SUMF1: variants seen among roughly 807,000 people sequenced by gnomAD.
SUMF1 encodes the protein sulfatase modifying factor 1.
A neutral mutation model predicts 47.6 loss-of-function variants in SUMF1; 48 were observed. That is an observed-to-expected ratio of 1.01 (90% CI 0.80 to 1.28). SUMF1 has a LOEUF of 1.28. SUMF1 is among the 50% of genes most tolerant of loss of function. The pLI is 0.00. For missense variants in SUMF1, 571 were observed against 485.4 expected, an observed-to-expected ratio of 1.18 and a Z score of -1.66; for synonymous variants, 230 against 192.1, an observed-to-expected ratio of 1.20 and a Z score of -1.63.
chr3:4,160,419 T>C (rs889053879), intron 8 of SUMF1, among the ~76,000 whole-genome samples: 1 of 152,080 alleles, frequency 6.6e-6, no homozygotes, highest in Admixed American at 6.5e-5. Flanking sequence ...TTTGTATTTT[T>C]AGTAGAGATG....
intron 9 of SUMF1, among the ~76,000 whole-genome samples, chr3:4,047,304 G>A (rs1398128438): frequency 3.3e-5 from 5 of 152,114 alleles, no homozygotes; most frequent in Non-Finnish European, 4.4e-5. Flanking sequence ...CATAAGAGCA[G>A]GGACCTTACC....
At chr3:4,212,660 T>C (rs923827684) in intron 8 of SUMF1, among the ~76,000 whole-genome samples, 28 of 151,912 alleles carry the variant, frequency 1.8e-4, no homozygotes, top group African/African-American at 6.3e-4. Context: ...GCTAAGAACA[T>C]TGAAAAAAGG....
chr3:4,423,518 G>A lies in SUMF1; in HGVS notation c.520-3372C>T, dbSNP rs7617643. Among the ~76,000 whole-genome samples, 381 of 152,258 alleles carry A rather than the reference G, an allele frequency of 2.5e-3. 1 individual carries two copies. The highest frequency in any genetic ancestry group is 6.8e-3 in the Middle Eastern group (2 of 294). On this transcript the variant is annotated intron_variant, in intron 3 of 8. Transcript: ENST00000272902. ...CTCTCAATTCAATCTGGTTACAAATGTTTATTGAGCACCGACTGTATGGCT... is the reference window on the plus strand; with the variant it reads ...CTCTCAATTCAATCTGGTTACAAATATTTATTGAGCACCGACTGTATGGCT...
At chr3:4,313,634 T>C in intron 8 of SUMF1, 3 of 1,614,130 alleles carry the variant, frequency 1.9e-6, no homozygotes, top group Non-Finnish European at 1.7e-6. Context: ...ACTGCTTTCC[T>C]GCCTTTTGAC....
chr3:4,256,446 C>T (rs1294445385), intron 8 of SUMF1, among the ~76,000 whole-genome samples: 1 of 143,930 alleles, frequency 6.9e-6, no homozygotes, highest in African/African-American at 2.6e-5. Context: ...CACTACCGAT[C>T]CCACAGAAAT....
At chr3:4,391,610 G>A (rs1026373206) in intron 7 of SUMF1, among the ~76,000 whole-genome samples, 1 of 152,018 alleles carries the variant, frequency 6.6e-6, no homozygotes, top group Non-Finnish European at 1.5e-5. Context: ...AGCTTCCTGA[G>A]TAGCTGGGAT....
Position 4,128,306 on chromosome 3 carries a change from G to A in SUMF1, c.1015-59561C>T, listed in dbSNP as rs79725404. ...TGAGGGCATTGATTGGAAAAATATTGGGCCCTGAAACTTGGAATGGGGATG... is the reference window on the plus strand; with the variant it reads ...TGAGGGCATTGATTGGAAAAATATTAGGCCCTGAAACTTGGAATGGGGATG... On this transcript the variant is annotated intron_variant and NMD_transcript_variant, in intron 8 of 12. Coordinates refer to the SUMF1 transcript ENST00000448413. 7.8e-3 allele frequency among the ~76,000 whole-genome samples: 1,193 copies of A among 152,216 alleles called. 23 individuals carry two copies. The highest frequency in any genetic ancestry group is 0.027 in the African/African-American group (1,137 of 41,520).
chr3:4,358,274 C>A (rs912660229), downstream of SUMF1, among the ~76,000 whole-genome samples: 2 of 152,150 alleles, frequency 1.3e-5, no homozygotes, highest in African/African-American at 4.8e-5. Flanking sequence ...CTAAAGCAGA[C>A]TTGAAAACAA....
intron 8 of SUMF1, among the ~76,000 whole-genome samples, chr3:4,095,263 A>G (rs1183665856): frequency 1.3e-5 from 2 of 152,120 alleles, no homozygotes; most frequent in African/African-American, 4.8e-5. Flanking sequence ...TAAAACTCTG[A>G]CCATAGGGCA....
chr3:4,090,610 T>C (rs759757275), intron 8 of SUMF1, among the ~76,000 whole-genome samples: 3 of 152,254 alleles, frequency 2.0e-5, no homozygotes, highest in Non-Finnish European at 4.4e-5. Flanking sequence ...GACAACAAAC[T>C]GTGCAGTATA....
At chr3:4,212,631 T>A (rs917663826) in intron 8 of SUMF1, among the ~76,000 whole-genome samples, 5 of 152,120 alleles carry the variant, frequency 3.3e-5, no homozygotes, top group Admixed American at 6.5e-5. Context: ...AGGAGCATGC[T>A]GTAACTCAAT....
At chr3:4,341,547 C>CT (rs1210283931) in intron 8 of SUMF1, among the ~76,000 whole-genome samples, 1 of 151,886 alleles carries the variant, frequency 6.6e-6, no homozygotes, top group Admixed American at 6.6e-5. Context: ...CAATAGACAT[C>CT]TTTTTTTAAA....
intron 8 of SUMF1, among the ~76,000 whole-genome samples, chr3:4,235,299 T>C (rs887179486): frequency 3.3e-5 from 5 of 152,132 alleles, no homozygotes; most frequent in Admixed American, 6.6e-5. Context: ...GTGCCATCCA[T>C]TGTCATGTGG....
chr3:4,158,450 A>G (rs1285322823), intron 8 of SUMF1, among the ~76,000 whole-genome samples: 1 of 151,492 alleles, frequency 6.6e-6, no homozygotes, highest in East Asian at 1.9e-4. Context: ...TGTTATATAA[A>G]TATCTATTAG....
intron 1 of SUMF1, among the ~76,000 whole-genome samples, chr3:4,465,523 A>C (rs1456249989): frequency 6.6e-6 from 1 of 152,142 alleles, no homozygotes; most frequent in Non-Finnish European, 1.5e-5. Flanking sequence ...TTGATTATCA[A>C]TTACCAGGCA....
At chr3:4,151,098 A>T (rs1328394259) in intron 8 of SUMF1, among the ~76,000 whole-genome samples, 1 of 151,360 alleles carries the variant, frequency 6.6e-6, no homozygotes, top group Non-Finnish European at 1.5e-5. Context: ...TGTTCTCAAG[A>T]AACAGTGTAG....
chr3:4,354,690 T>G (rs1699580125), intron 8 of SUMF1, among the ~76,000 whole-genome samples: 1 of 152,184 alleles, frequency 6.6e-6, no homozygotes, highest in African/African-American at 2.4e-5. Flanking sequence ...TCTTTGTTCT[T>G]TCTTACTCTT....
At chr3:4,044,703 A>G (rs1694974872) in intron 9 of SUMF1, among the ~76,000 whole-genome samples, 1 of 152,240 alleles carries the variant, frequency 6.6e-6, no homozygotes, top group Admixed American at 6.5e-5. Context: ...ACTTACTTAA[A>G]ATCAAGGCCT....
At chr3:4,376,160 C>A (rs565582145) in intron 8 of SUMF1, among the ~76,000 whole-genome samples, 170 bp downstream of exon 8, 1 of 152,208 alleles carries the variant, frequency 6.6e-6, no homozygotes, top group Non-Finnish European at 1.5e-5. Flanking sequence ...TTACTTTTCT[C>A]CATGCTTGTA....
Sources: allele counts gnomAD v4.1 joint callset (sites outside exome capture counted in the v4.1 genomes callset), GRCh38; gene constraint gnomAD v4.1.1; transcripts MANE v1.5; gene names NCBI Gene and HGNC (gene_info 2026-07-23, HGNC 2026-07-21).